NRXN1: variants seen among roughly 807,000 people sequenced by gnomAD.
The protein encoded by NRXN1 is neurexin 1, also known as neurexin-1.
Under a neutral mutation model 150.9 loss-of-function variants are expected in NRXN1, and 39 were observed. The ratio of observed to expected loss-of-function variants is 0.26; its 90% CI spans 0.20 to 0.34. NRXN1 has a LOEUF of 0.34. Among genes scored for constraint, NRXN1 ranks in the 10% least tolerant of loss-of-function variants. NRXN1 has a pLI of 1.00. For missense variants in NRXN1, 1,815 were observed against 1,949.9 expected, an observed-to-expected ratio of 0.93 and a Z score of 1.30; for synonymous variants, 924 against 757.0, an observed-to-expected ratio of 1.22 and a Z score of -3.62.
At chr2:50,224,688 G>C (rs867794251) in intron 18 of NRXN1, among the ~76,000 whole-genome samples, 1 of 86,080 alleles carries the variant, frequency 1.2e-5, no homozygotes, top group Non-Finnish European at 2.4e-5. Flanking sequence ...AGAGAGAGAG[G>C]GAGAAAGAGA....
chr2:50,704,823 T>C (rs1228189552), intron 5 of NRXN1, among the ~76,000 whole-genome samples: 2 of 151,884 alleles, frequency 1.3e-5, no homozygotes, highest in Non-Finnish European at 2.9e-5. Context: ...ACAATTAATG[T>C]AGCATATTAA....
chr2:50,481,466 T>C (rs2090451007), intron 15 of NRXN1, among the ~76,000 whole-genome samples: 1 of 152,210 alleles, frequency 6.6e-6, no homozygotes, highest in Admixed American at 6.5e-5. Flanking sequence ...GTTCAAAACT[T>C]TTTAAATCAA....
intron 17 of NRXN1, among the ~76,000 whole-genome samples, chr2:50,406,602 A>T (rs1344780037): frequency 1.3e-5 from 2 of 152,194 alleles, no homozygotes; most frequent in African/African-American, 4.8e-5. Context: ...CTGAGTGGAA[A>T]GACAGAAAAG....
intron 19 of NRXN1, among the ~76,000 whole-genome samples, chr2:50,062,843 T>A (rs1694757035): frequency 6.6e-6 from 1 of 152,114 alleles, no homozygotes; most frequent in Admixed American, 6.6e-5. Context: ...TTAATATCTA[T>A]GGGGAAAAAG....
At chr2:50,113,059 T>C (rs983302437) in intron 18 of NRXN1, among the ~76,000 whole-genome samples, 1 of 152,158 alleles carries the variant, frequency 6.6e-6, no homozygotes, top group African/African-American at 2.4e-5. Flanking sequence ...AAATGTGACC[T>C]CTTCTTCTGA....
At position 50,209,906 on chromosome 2, in the gene NRXN1, TA is replaced by T. The variant is rs572235203; in HGVS notation, c.3546+26882del. ...CTGTATATATTTATTAATGAAGTATTAAAAAATAATTGTGCTATACTATATA... is the reference window on the plus strand; with the variant it reads ...CTGTATATATTTATTAATGAAGTATTAAAAATAATTGTGCTATACTATATA... On this transcript the variant is annotated intron_variant, in intron 18 of 22. Coordinates refer to ENST00000401669, the MANE Select transcript of NRXN1 (RefSeq NM_001330078.2). Among the ~76,000 whole-genome samples the T allele has an allele frequency of 1.2e-4, 18 of 152,114 alleles. No individual in the cohort carries two copies. In the East Asian group the frequency reaches 2.3e-3, roughly 20 times the overall value.
At chr2:50,871,151 T>C (rs1677725504) in intron 5 of NRXN1, among the ~76,000 whole-genome samples, 1 of 151,848 alleles carries the variant, frequency 6.6e-6, no homozygotes, top group Non-Finnish European at 1.5e-5. Context: ...CAATAAAAAA[T>C]AGAGATCTAC....
chr2:50,494,734 A>G (rs1438288815), intron 15 of NRXN1, among the ~76,000 whole-genome samples: 1 of 152,172 alleles, frequency 6.6e-6, no homozygotes, highest in Non-Finnish European at 1.5e-5. Flanking sequence ...ATTTTTCTCT[A>G]GAAAGAGTTC....
At chr2:50,279,283 C>G (rs1175431606) in intron 17 of NRXN1, among the ~76,000 whole-genome samples, 2 of 152,124 alleles carry the variant, frequency 1.3e-5, no homozygotes, top group Non-Finnish European at 2.9e-5. Context: ...TCAACATTTT[C>G]TGTTAAAGAG....
At chr2:50,717,600 G>C (rs948580367) in intron 5 of NRXN1, among the ~76,000 whole-genome samples, 1 of 152,100 alleles carries the variant, frequency 6.6e-6, no homozygotes. Flanking sequence ...TGAAATGGAC[G>C]AATTTCACTT....
intron 13 of NRXN1, among the ~76,000 whole-genome samples, chr2:50,504,457 C>G (rs1317864622): frequency 1.3e-5 from 2 of 152,058 alleles, no homozygotes; most frequent in East Asian, 3.9e-4. Context: ...GCACAAATGT[C>G]AAGACAAACT....
rs189195379 is a variant in NRXN1 at position 51,031,440 on chromosome 2, A to C, written c.-922+541T>G. 3.4e-3 allele frequency among the ~76,000 whole-genome samples: 519 copies of C among 151,192 alleles called. 3 individuals carry two copies. Among genetic ancestry groups the C allele is most frequent in the African/African-American group, 0.012 (478 of 41,240 alleles). On this transcript the variant is annotated intron_variant, in intron 1 of 22. Transcript: ENST00000401669. ...ACCTACACCTTTCCATGCACCCTTC[A>C]ATATATATATATATCTTCATAAAGA...
intron 21 of NRXN1, among the ~76,000 whole-genome samples, chr2:50,027,733 G>T (rs1471409530): frequency 6.6e-6 from 1 of 152,142 alleles, no homozygotes; most frequent in African/African-American, 2.4e-5. Flanking sequence ...AACTGCCTGA[G>T]CCCTACCCTG....
At chr2:50,232,549 G>A (rs980128855) in intron 18 of NRXN1, among the ~76,000 whole-genome samples, 3 of 151,678 alleles carry the variant, frequency 2.0e-5, no homozygotes, top group Admixed American at 6.6e-5. Flanking sequence ...ACCACACCCA[G>A]CTAATTTTTG....
chr2:50,844,520 A>C (rs1170520441), intron 5 of NRXN1, among the ~76,000 whole-genome samples: 2 of 152,200 alleles, frequency 1.3e-5, no homozygotes, highest in African/African-American at 4.8e-5. Flanking sequence ...AGTTTGTCTT[A>C]TCAATATTTC....
rs566124355 is a variant in NRXN1 at position 50,811,553 on chromosome 2, G to A, written c.832+110316C>T. On this transcript the variant is annotated intron_variant, in intron 5 of 22. Coordinates refer to ENST00000401669, the MANE Select transcript of NRXN1 (RefSeq NM_001330078.2). ...ATGAAAATAGTGCCAAAGATCTTCA[G>A]TTGGCACTCCAAAGCACAGACAATT... Among the ~76,000 whole-genome samples the A allele has an allele frequency of 9.9e-5, 15 of 152,244 alleles. No homozygotes were observed. In the South Asian group the frequency reaches 2.9e-3, roughly 29 times the overall value.
chr2:50,619,071 T>C (rs181288667), intron 8 of NRXN1: 21 of 152,236 alleles, frequency 1.4e-4, no homozygotes, highest in Admixed American at 3.3e-4. Context: ...TCAGTAGTAA[T>C]TGTTTTTCCC....
At chr2:50,881,997 G>T (rs890956656) in intron 5 of NRXN1, among the ~76,000 whole-genome samples, 1 of 151,680 alleles carries the variant, frequency 6.6e-6, no homozygotes, top group Non-Finnish European at 1.5e-5. Flanking sequence ...TCAGTGTCTG[G>T]AAGCAAAACA....
chr2:51,018,360 C>T (rs1669069079), intron 2 of NRXN1, among the ~76,000 whole-genome samples: 1 of 152,068 alleles, frequency 6.6e-6, no homozygotes, highest in Non-Finnish European at 1.5e-5. Flanking sequence ...TTTCTAATTA[C>T]AGTCCAGACA....
Sources: allele counts gnomAD v4.1 joint callset (sites outside exome capture counted in the v4.1 genomes callset), GRCh38; gene constraint gnomAD v4.1.1; transcripts MANE v1.5; gene names NCBI Gene and HGNC (gene_info 2026-07-23, HGNC 2026-07-21).